WDR25: variants seen among roughly 807,000 people sequenced by gnomAD.
WDR25 encodes the protein WD repeat domain 25, also known as WD repeat-containing protein 25.
In WDR25, 35 loss-of-function variants were observed where a neutral mutation model predicts 47.7. The ratio of observed to expected loss-of-function variants is 0.73; its 90% CI spans 0.56 to 0.97. The LOEUF (loss-of-function observed/expected upper bound fraction) is 0.97. Among genes scored for constraint, WDR25 ranks in the 50% least tolerant of loss-of-function variants. The pLI is 0.00. For synonymous variants in WDR25, 248 were observed against 278.9 expected, an observed-to-expected ratio of 0.89 and a Z score of 1.10; for missense variants, 634 against 704.7, an observed-to-expected ratio of 0.90 and a Z score of 1.14.
rs147852393 is a variant in WDR25, at chr14:100,491,172, G to A, written c.1101+7048G>A. Among the ~76,000 whole-genome samples the A allele has an allele frequency of 1.2e-4, 18 of 152,326 alleles. No individual in the cohort carries two copies. The East Asian group carries it at 2.7e-3, about 23-fold the overall frequency. On this transcript the variant is annotated intron_variant, in intron 4 of 6. Coordinates refer to ENST00000402312, the MANE Select transcript of WDR25 (RefSeq NM_001161476.3). ...TGTGTGCGCCATGGCTCATTTCCTC[G>A]TGGCCTCTTGGGAGGTGGACTGGGT...
chr14:100,482,083 A>G lies in WDR25; in HGVS notation c.971-1911A>G, dbSNP rs76213057. On this transcript the variant is annotated intron_variant, in intron 3 of 6. Transcript: ENST00000402312. Reference sequence around the variant, plus strand: ...AATAAAATCTCAATTATGAAAGAGAAAAAAAAAAAAAGAAGTGGAAAATGT... The same window carrying G: ...AATAAAATCTCAATTATGAAAGAGAGAAAAAAAAAAAGAAGTGGAAAATGT... Among the ~76,000 whole-genome samples the G allele has an allele frequency of 4.9e-4, 73 of 149,230 alleles. 1 individual carries two copies. The highest frequency in any genetic ancestry group is 1.5e-3 in the South Asian group (7 of 4,746).
In WDR25 at chr14:100,472,315, C is replaced by T. The variant is rs114353075; in HGVS notation, c.970+4147C>T. Among the ~76,000 whole-genome samples the T allele has an allele frequency of 8.8e-3, 1,341 of 152,380 alleles. 14 individuals are homozygous for T. Among genetic ancestry groups the T allele is most frequent in the African/African-American group, 0.03 (1,248 of 41,600 alleles). ...ATCTGTGCAGTGCCACCTGGGTCTA[C>T]CTCCCAGATCCTGGAGGCAGCACGC... On this transcript the variant is annotated intron_variant, in intron 3 of 6. Transcript: ENST00000402312.
chr14:100,400,340 C>G (rs563298320), intron 2 of WDR25, among the ~76,000 whole-genome samples: 12 of 152,354 alleles, frequency 7.9e-5, no homozygotes, highest in Admixed American at 5.2e-4. Flanking sequence ...CTGTTGGCGC[C>G]TGGTCCTCAG....
chr14:100,435,838 G>A (rs556381644), intron 2 of WDR25, among the ~76,000 whole-genome samples: 1 of 152,294 alleles, frequency 6.6e-6, no homozygotes, highest in South Asian at 2.1e-4. Flanking sequence ...TCACCTAGGA[G>A]GGGCTTGTAA....
Position 100,459,925 on chromosome 14 carries a change from TATATATATATATATACAC to T in WDR25, c.823-8092_823-8075del, listed in dbSNP as rs1213480002. Among the ~76,000 whole-genome samples the T allele has an allele frequency of 7.9e-4, 81 of 101,910 alleles. 1 individual carries two copies. Among genetic ancestry groups the T allele is most frequent in the African/African-American group, 2.3e-3 (49 of 21,506 alleles). 66.9% of individuals were successfully genotyped at this position (101,910 alleles called of 152,430 possible). A position where few individuals can be genotyped will look rare whatever the true frequency, so the allele number is the denominator to read the frequency against. On this transcript the variant is annotated intron_variant, in intron 2 of 6. Coordinates refer to ENST00000402312, the MANE Select transcript of WDR25 (RefSeq NM_001161476.3). ...ATATATATATATATATATATATATA[TATATATATATATATACAC>T]ATACACATACACACACATATACACA...
chr14:100,487,394 A>G (rs1208198925), intron 4 of WDR25: 3 of 152,254 alleles, frequency 2.0e-5, no homozygotes, highest in Non-Finnish European at 4.4e-5. Flanking sequence ...AGTTTTTGTA[A>G]ATAAAGGTTT....
intron 2 of WDR25, among the ~76,000 whole-genome samples, chr14:100,466,590 C>T (rs1006645230): frequency 5.3e-5 from 8 of 152,238 alleles, no homozygotes; most frequent in African/African-American, 1.4e-4. Flanking sequence ...CACCACTGCC[C>T]TCGGGGTGGC....
intron 2 of WDR25, among the ~76,000 whole-genome samples, chr14:100,465,676 A>G (rs2140293103): frequency 6.6e-6 from 1 of 152,314 alleles, no homozygotes; most frequent in South Asian, 2.1e-4. Flanking sequence ...ACATGGATGT[A>G]CAGTATCTTT....
intron 3 of WDR25, among the ~76,000 whole-genome samples, chr14:100,479,737 G>A (rs1291635625): frequency 1.3e-5 from 2 of 152,106 alleles, no homozygotes; most frequent in African/African-American, 4.8e-5. Flanking sequence ...CCACGGACTG[G>A]TACCTGTCCA....
chr14:100,491,173 TG>T (rs879789089), intron 4 of WDR25, among the ~76,000 whole-genome samples: 4 of 152,230 alleles, frequency 2.6e-5, no homozygotes, highest in Non-Finnish European at 4.4e-5. Flanking sequence ...CATTTCCTCG[TG>T]GCCTCTTGGG....
rs974977998 is a variant in WDR25 at position 100,506,265 on chromosome 14, A to G, written c.1102-19605A>G. 2.6e-4 allele frequency among the ~76,000 whole-genome samples: 39 copies of G among 152,212 alleles called. No homozygotes were observed. The highest frequency in any genetic ancestry group is 4.7e-4 in the Non-Finnish European group (32 of 68,042). On this transcript the variant is annotated intron_variant, in intron 4 of 6. Coordinates refer to ENST00000402312, the MANE Select transcript of WDR25 (RefSeq NM_001161476.3). This position sits in a 1 kb window ranked among gnomAD's most constrained non-coding sequence, Gnocchi z 4.8. ...TGATTTCATCCTTTTTTATGGCTGC[A>G]TAGTATTCCATGGTGTATATTTGCC...
chr14:100,492,681 AT>A (rs1900605157), intron 4 of WDR25, among the ~76,000 whole-genome samples: 1 of 152,080 alleles, frequency 6.6e-6, no homozygotes, highest in African/African-American at 2.4e-5. Flanking sequence ...TTAAAAATTT[AT>A]TTATTTTTTT....
At chr14:100,457,954 A>C (rs998691281) in intron 2 of WDR25, among the ~76,000 whole-genome samples, 1 of 152,226 alleles carries the variant, frequency 6.6e-6, no homozygotes, top group African/African-American at 2.4e-5. Context: ...ATGGGAGATA[A>C]AATAACAAAA....
chr14:100,461,598 A>G (rs1477117803), intron 2 of WDR25, among the ~76,000 whole-genome samples: 1 of 152,252 alleles, frequency 6.6e-6, no homozygotes, highest in African/African-American at 2.4e-5. Context: ...GTAGAACACA[A>G]ACATCATGAA....
rs139509036 is a variant in WDR25, at chr14:100,442,163, G to A, written c.823-25858G>A. Among the ~76,000 whole-genome samples the A allele has an allele frequency of 4.7e-3, 716 of 152,320 alleles. 6 individuals carry two copies. Among genetic ancestry groups the A allele is most frequent in the African/African-American group, 0.017 (686 of 41,558 alleles). ...TGGGTTGCAGAGGGTCTTACAGGGA[G>A]AGTGTGCTTATCACACTGCTCCTGG... On this transcript the variant is annotated intron_variant, in intron 2 of 6. Transcript: ENST00000402312.
At chr14:100,445,365 C>T (rs1898798834) in intron 2 of WDR25, among the ~76,000 whole-genome samples, 1 of 152,180 alleles carries the variant, frequency 6.6e-6, no homozygotes, top group Non-Finnish European at 1.5e-5. Flanking sequence ...TGAACTCCTT[C>T]AAGGTGGTAA....
intron 2 of WDR25, among the ~76,000 whole-genome samples, chr14:100,406,180 G>A (rs150593461): frequency 6.6e-6 from 1 of 152,186 alleles, no homozygotes; most frequent in Admixed American, 6.5e-5. Flanking sequence ...TCCTTCTGAC[G>A]TTGATATGTG....
At chr14:100,480,791 C>G (rs1900171893) in intron 3 of WDR25, among the ~76,000 whole-genome samples, 1 of 152,030 alleles carries the variant, frequency 6.6e-6, no homozygotes, top group Admixed American at 6.6e-5. Flanking sequence ...TTGCAGGAGC[C>G]ATTATTTGAC....
At chr14:100,482,936 C>T (rs1188965715) in intron 3 of WDR25, among the ~76,000 whole-genome samples, 4 of 152,224 alleles carry the variant, frequency 2.6e-5, no homozygotes, top group African/African-American at 9.6e-5. Flanking sequence ...TGTGGCACCT[C>T]TGAGCGAAGC....
Sources: allele counts gnomAD v4.1 joint callset (sites outside exome capture counted in the v4.1 genomes callset), GRCh38; gene constraint gnomAD v4.1.1; non-coding constraint Gnocchi (gnomAD v3.1); transcripts MANE v1.5; gene names NCBI Gene and HGNC (gene_info 2026-07-23, HGNC 2026-07-21).